Variants in TMPRSS13 observed in about 807,000 individuals in gnomAD.
The protein encoded by TMPRSS13 is transmembrane protease serine 13.
Under a neutral mutation model 68.4 loss-of-function variants are expected in TMPRSS13, and 50 were observed. The observed-to-expected ratio is 0.73, with a 90% CI of 0.58 to 0.93. TMPRSS13 has a LOEUF of 0.93. TMPRSS13 is among the 40% of genes least tolerant of loss of function. The pLI is 0.00. For synonymous variants in TMPRSS13, 267 were observed against 285.8 expected (o/e 0.93, Z 0.66); for missense variants, 615 against 729.2 (o/e 0.84, Z 1.80).
intron 1 of TMPRSS13, among the ~76,000 whole-genome samples, chr11:117,927,555 C>A (rs1401553196): frequency 6.6e-6 from 1 of 152,190 alleles, no homozygotes; most frequent in Non-Finnish European, 1.5e-5. Context: ...CAGGCTCAAG[C>A]CCACTGGCCA....
At position 117,908,666 on chromosome 11, in the gene TMPRSS13, C is replaced by G. The variant is rs756396532; in HGVS notation, c.1228G>C (p.Glu410Gln). 7 of 1,589,014 alleles carry G rather than the reference C, an allele frequency of 4.4e-6. No individual in the cohort carries two copies. The highest frequency in any genetic ancestry group is 6.0e-6 in the Non-Finnish European group (7 of 1,168,858). ...IIINSNYTDE[E>Q]DDYDIALMRL... The stretch of plus-strand genomic sequence containing the variant: ...ATGAGGGCGATGTCATAGTCGTCCT[C>G]CTCATCGGTGTAATTGCTGTTGATG... The change falls in exon 9 of 13, where the codon GAG becomes CAG. Residue 410 changes from glutamate to glutamine, a missense_variant. Transcript: ENST00000524993.
Position 117,922,517 on chromosome 11 carries a change from C to T in TMPRSS13, c.22-3679G>A, listed in dbSNP as rs1357035814. 6.6e-6 allele frequency among the ~76,000 whole-genome samples: 1 copy of T among 152,156 alleles called. No homozygotes were observed. The highest frequency in any genetic ancestry group is 1.5e-5 in the Non-Finnish European group (1 of 68,032). ...TGCTGGGATTACAGGCGTGAGCCAC[C>T]GCGCCCAGCCGAGACTTCTTATCCA... On this transcript the variant is annotated intron_variant, in intron 1 of 12. Transcript: ENST00000524993. This position sits in a 1 kb window ranked among gnomAD's most constrained non-coding sequence, Gnocchi z 4.2.
chr11:117,929,285 A>T lies in TMPRSS13; in HGVS notation c.21+2T>A. The T allele has an allele frequency of 1.2e-6, 2 of 1,603,778 alleles. No individual in the cohort carries two copies. Among genetic ancestry groups the T allele is most frequent in the Non-Finnish European group, 1.7e-6 (2 of 1,175,610 alleles). On this transcript the variant is annotated splice_donor_variant, in intron 1 of 12. Coordinates refer to ENST00000524993, the MANE Select transcript of TMPRSS13 (RefSeq NM_001077263.3). LOFTEE classifies it high-confidence loss of function. ...TGGCCCGAGGCCTGAGGTCACACTC[A>T]CCCCGTGGCTGTCCCTCTCCATGGT...
chr11:117,911,396 G>A (rs1487947881), intron 6 of TMPRSS13, among the ~76,000 whole-genome samples: 1 of 152,152 alleles, frequency 6.6e-6, no homozygotes, highest in African/African-American at 2.4e-5. Flanking sequence ...CATGTGCAAA[G>A]TGTCATGCCA....
At chr11:117,925,812 C>T (rs534398632) in intron 1 of TMPRSS13, among the ~76,000 whole-genome samples, 1 of 152,264 alleles carries the variant, frequency 6.6e-6, no homozygotes, top group Non-Finnish European at 1.5e-5. Context: ...GCCATTGTTA[C>T]ATCAGTTGTC....
At chr11:117,910,558 G>A in intron 7 of TMPRSS13, 149 bp downstream of exon 7, 1 of 689,030 alleles carries the variant, frequency 1.5e-6, no homozygotes, top group Non-Finnish European at 2.4e-6. Context: ...GTGCCTTACA[G>A]GGACTCCAGC....
intron 12 of TMPRSS13, chr11:117,902,971 G>A: frequency 9.8e-7 from 1 of 1,017,884 alleles, no homozygotes; most frequent in Non-Finnish European, 1.2e-6. Context: ...TGAAGGGTCT[G>A]TGGTTCAGTT....
chr11:117,928,545 T>C (rs2134938751), intron 1 of TMPRSS13, among the ~76,000 whole-genome samples: 2 of 151,866 alleles, frequency 1.3e-5, no homozygotes, highest in Middle Eastern at 6.8e-3. Context: ...AAAGGAGAAA[T>C]GAGAGCACAA....
intron 1 of TMPRSS13, among the ~76,000 whole-genome samples, chr11:117,921,025 C>T (rs144695596): frequency 6.6e-6 from 1 of 152,204 alleles, no homozygotes; most frequent in Non-Finnish European, 1.5e-5. Flanking sequence ...ACAAAGATAA[C>T]AGCCCACGAG....
At chr11:117,902,332 G>A in intron 12 of TMPRSS13, 67 bp from the exon 13 acceptor site, 5 of 1,582,134 alleles carry the variant, frequency 3.2e-6, no homozygotes, top group Non-Finnish European at 4.3e-6. Context: ...GAAGCCCAAG[G>A]TTGGGGTTCA....
chr11:117,910,597 T>G (rs1415446653), intron 7 of TMPRSS13, 110 bp downstream of exon 7: 5 of 1,099,480 alleles, frequency 4.5e-6, no homozygotes, highest in Non-Finnish European at 6.5e-6. Context: ...GCTAAGACAC[T>G]GTTCCTGACT....
intron 9 of TMPRSS13, chr11:117,908,057 G>A (rs753377230): frequency 3.1e-5 from 31 of 1,013,464 alleles, no homozygotes; most frequent in Non-Finnish European, 3.5e-5. Context: ...TTAAGTTCTC[G>A]ACTGCAGGGT....
At position 117,918,599 on chromosome 11, in the gene TMPRSS13, G is replaced by A. The variant is rs935009230; in HGVS notation, c.261C>T (p.Ala87=). ...GTGATGCCAGAGCCGGAGATGCCCG[G>A]GCTGGAGATGCCTGGGCTGGAGATG... ...AQASPAQASP[A]RASPALASLS... Residue 87 remains alanine (A), a synonymous_variant, in exon 2 of 13, where the codon GCC becomes GCT. Coordinates refer to ENST00000524993, the MANE Select transcript of TMPRSS13 (RefSeq NM_001077263.3). 9.6e-6 allele frequency: 1 copy of A among 103,706 alleles called. No individual in the cohort carries two copies. Among genetic ancestry groups the A allele is most frequent in the Non-Finnish European group, 1.4e-5 (1 of 73,620 alleles). 6.4% of individuals were successfully genotyped at this position (103,706 alleles called of 1,614,324 possible).
chr11:117,908,830 G>A (rs759110923), intron 8 of TMPRSS13, 46 bp from the exon 9 acceptor site: 26 of 1,521,298 alleles, frequency 1.7e-5, no homozygotes, highest in East Asian at 1.6e-4. Flanking sequence ...GCCTGGCAGC[G>A]TTCACTGGCA....
In TMPRSS13 at chr11:117,903,728, C is replaced by T. The variant is rs771914249; in HGVS notation, c.1604G>A (p.Cys535Tyr). 6.2e-7 allele frequency: 1 copy of T among 1,613,692 alleles called. No homozygotes were observed. Among genetic ancestry groups the T allele is most frequent in the Non-Finnish European group, 8.5e-7 (1 of 1,179,836 alleles). Residue 535 changes from cysteine to tyrosine, a missense_variant, in exon 12 of 13, where the codon TGT becomes TAT. By Grantham distance (194) the Cys-to-Tyr change is radical. Coordinates refer to ENST00000524993, the MANE Select transcript of TMPRSS13 (RefSeq NM_001077263.3). ...CACACCAGGTTTGTTTCTCTGGCCA[C>T]AGCCTGTGCCCCAGCTGGTGACACC... The part of the protein sequence containing the change: ...LAGVTSWGTG[C>Y]GQRNKPGVYT...
chr11:117,914,249 G>C lies in TMPRSS13; in HGVS notation c.679+143C>G. 8.9e-7 allele frequency: 1 copy of C among 1,127,236 alleles called. No homozygotes were observed. Among genetic ancestry groups the C allele is most frequent in the South Asian group, 1.4e-5 (1 of 71,514 alleles). The allele number at this position is 1,127,236 out of a possible 1,614,324, so 69.8% of individuals were successfully genotyped here. ...CACATACGTGCACACACACATACAT[G>C]CATACACACAAACATGCACATACAC... On this transcript the variant is annotated intron_variant, in intron 4 of 12. Coordinates refer to ENST00000524993, the MANE Select transcript of TMPRSS13 (RefSeq NM_001077263.3). The surrounding 1 kb of genome is among the most constrained non-coding windows in gnomAD (Gnocchi z 4.2).
Position 117,913,790 on chromosome 11 carries a change from G to A in TMPRSS13, c.796C>T (p.Leu266=). ...DSYSEKTCQQ[L]GFESAHRTTE... The stretch of plus-strand genomic sequence containing the variant: ...GTTGGGGGTTACCTCTCGAAACCCA[G>A]CTGCTGGCAGGTCTTCTCTGAGTAG... Residue 266 remains leucine, a synonymous_variant, in exon 5 of 13, where the codon CTG becomes TTG. Transcript: ENST00000524993. 6.2e-7 allele frequency: 1 copy of A among 1,614,116 alleles called. No individual in the cohort carries two copies.
chr11:117,924,433 C>G (rs1453662077), intron 1 of TMPRSS13, among the ~76,000 whole-genome samples: 3 of 152,052 alleles, frequency 2.0e-5, no homozygotes, highest in South Asian at 4.1e-4. Flanking sequence ...GGCAGCGTCC[C>G]TTTTCCAGTG....
At position 117,902,072 on chromosome 11, in the gene TMPRSS13, GC is replaced by G; in HGVS notation, c.*166del. 1 of 646,466 alleles carries G rather than the reference GC, an allele frequency of 1.5e-6. No individual in the cohort carries two copies. 40.0% of individuals were successfully genotyped at this position (646,466 alleles called of 1,614,324 possible). ...TGGGAGAGTGGCAATGCACACATAT[GC>G]ACACACACACACACACACACACACA... is the stretch of plus-strand genomic sequence containing the variant. On this transcript the variant is annotated 3_prime_UTR_variant, in exon 13 of 13. Transcript: ENST00000524993.
Sources: gnomAD v4.1 joint callset for allele counts (sites outside exome capture counted in the v4.1 genomes callset) on GRCh38, gnomAD v4.1.1 for gene constraint, Gnocchi (gnomAD v3.1) non-coding constraint, MANE v1.5 for transcripts, NCBI Gene and HGNC (gene_info 2026-07-23, HGNC 2026-07-21) for gene names.